Variants in MEAK7 observed in about 807,000 individuals in gnomAD.
MEAK7 encodes the protein MTOR-associated protein MEAK7.
MEAK7 carries 68 observed loss-of-function variants against 40.5 expected under a neutral mutation model. The observed-to-expected ratio is 1.68, with a 90% CI of 1.38 to 2.06. MEAK7 has a LOEUF of 2.06. Ranked by LOEUF, MEAK7 falls within the 30% of genes most tolerant of loss-of-function variation. The pLI is 0.00. For missense variants in MEAK7, 918 were observed against 580.5 expected, an observed-to-expected ratio of 1.58 and a Z score of -5.98; for synonymous variants, 338 against 231.9, an observed-to-expected ratio of 1.46 and a Z score of -4.16.
intron 3 of MEAK7, among the ~76,000 whole-genome samples, chr16:84,495,423 G>T (rs1419802437): frequency 6.6e-6 from 1 of 152,176 alleles, no homozygotes; most frequent in Non-Finnish European, 1.5e-5. Flanking sequence ...TCAGTAATGG[G>T]ACCAGACCCT....
At chr16:84,497,812 C>G (rs1485049918) in intron 2 of MEAK7, 122 bp downstream of exon 2, 11 of 1,472,072 alleles carry the variant, frequency 7.5e-6, no homozygotes, top group Non-Finnish European at 1.9e-6. Context: ...TTACAGAAAA[C>G]CAACTTTTCA....
In MEAK7 at chr16:84,480,596, G is replaced by T; in HGVS notation, c.1190C>A (p.Ala397Asp). The T allele has an allele frequency of 1.2e-6, 2 of 1,614,082 alleles. No homozygotes were observed. Among genetic ancestry groups the T allele is most frequent in the Non-Finnish European group, 1.7e-6 (2 of 1,179,978 alleles). ...CTTYNSPQLS[A>D]QENFQFDKME... ...CTTATCAAACTGGAAGTTCTCCTGAGCCGACAGCTGCGGGCTGTTGTACGT... is the reference window on the plus strand; with the variant it reads ...CTTATCAAACTGGAAGTTCTCCTGATCCGACAGCTGCGGGCTGTTGTACGT... Residue 397 changes from alanine to aspartate, a missense_variant, in exon 7 of 8, where the codon GCT (alanine) becomes GAT (aspartate). By Grantham distance (126) the Ala-to-Asp change is moderately radical. Coordinates refer to ENST00000343629, the MANE Select transcript of MEAK7 (RefSeq NM_020947.4).
At chr16:84,492,569 T>TTTTTTTTATTTATTTATTTATTTA (rs1555513770) in intron 3 of MEAK7, among the ~76,000 whole-genome samples, 2 of 146,702 alleles carry the variant, frequency 1.4e-5, no homozygotes, top group South Asian at 2.2e-4. Flanking sequence ...AAGTGTTTTA[T>TTTTTTTTATTTATTTATTTATTTA]TTTATTTATT....
Position 84,477,961 on chromosome 16 carries a change from G to T in MEAK7, c.*1952C>A, listed in dbSNP as rs996623600. ...AGAACAAGCTCAGGGTGGAAAGCAT[G>T]TGAGTGGACAAAGTCCTAACCTTTG... On this transcript the variant is annotated 3_prime_UTR_variant, in exon 8 of 8. Transcript: ENST00000343629. 1 of 152,246 alleles carries T rather than the reference G, an allele frequency of 6.6e-6. No individual in the cohort carries two copies. Among genetic ancestry groups the T allele is most frequent in the Non-Finnish European group, 1.5e-5 (1 of 68,060 alleles). The allele number at this position is 152,246 out of a possible 1,614,324, so 9.4% of individuals were successfully genotyped here.
At chr16:84,501,328 A>T (rs1369901958) in intron 1 of MEAK7, among the ~76,000 whole-genome samples, 1 of 151,882 alleles carries the variant, frequency 6.6e-6, no homozygotes, top group African/African-American at 2.4e-5. Context: ...AACTCAGGGC[A>T]CGTGGGGGAG....
At chr16:84,490,416 C>A (rs1270203485) in intron 3 of MEAK7, among the ~76,000 whole-genome samples, 1 of 147,112 alleles carries the variant, frequency 6.8e-6, no homozygotes. Flanking sequence ...CCCACACTCT[C>A]GCTGGGCGGC....
chr16:84,497,748 C>T, intron 2 of MEAK7, 186 bp downstream of exon 2: 1 of 1,328,514 alleles, frequency 7.5e-7, no homozygotes, highest in Non-Finnish European at 1.0e-6. Context: ...AGCAGAGGAG[C>T]TACAACAGAG....
chr16:84,494,465 A>C (rs1913879260), intron 3 of MEAK7, among the ~76,000 whole-genome samples: 1 of 152,050 alleles, frequency 6.6e-6, no homozygotes, highest in Admixed American at 6.6e-5. Context: ...CTGATTTGAA[A>C]TCATTAAAAA....
At chr16:84,499,459 A>T (rs1914323014) in intron 1 of MEAK7, among the ~76,000 whole-genome samples, 1 of 152,202 alleles carries the variant, frequency 6.6e-6, no homozygotes, top group African/African-American at 2.4e-5. Context: ...CATGGTCCGC[A>T]CCAAGCCATG....
At chr16:84,494,665 C>T (rs1953691388) in intron 3 of MEAK7, 14 of 345,286 alleles carry the variant, frequency 4.1e-5, no homozygotes, top group South Asian at 6.5e-5. Flanking sequence ...TTCTCTCTTC[C>T]TCCCCCACTA....
rs983350765 is a variant in MEAK7 at position 84,486,692 on chromosome 16, A to G, written c.897T>C (p.His299=). 3.1e-6 allele frequency: 5 copies of G among 1,614,030 alleles called. No homozygotes were observed. In the South Asian group the frequency reaches 3.3e-5, roughly 11 times the overall value. The part of the protein sequence containing the change: ...RGPCVAVLED[H]DKHVFGGFAS... ...CAAACCCACCGAACACATGCTTGTC[A>G]TGGTCCTCGAGGACAGCCACACAGG... Residue 299 remains histidine (H), a synonymous_variant, in exon 5 of 8, where the codon CAT becomes CAC. Coordinates refer to ENST00000343629, the MANE Select transcript of MEAK7 (RefSeq NM_020947.4).
intron 3 of MEAK7, among the ~76,000 whole-genome samples, chr16:84,490,443 CTTTTTTTTTTTTTTTTTTTTTTT>C (rs770073812): frequency 2.1e-5 from 2 of 93,892 alleles, no homozygotes; most frequent in Non-Finnish European, 1.9e-5. Flanking sequence ...TCTGCCCCGC[CTTTTTTTTTTTTTTTTTTTTTTT>C]TTTTTTTTTT....
chr16:84,496,060 A>C (rs1238083611), intron 2 of MEAK7, 147 bp from the exon 3 acceptor site: 1 of 784,754 alleles, frequency 1.3e-6, no homozygotes. Context: ...GTTTCTTGTA[A>C]AGCCCCGTCT....
At chr16:84,483,184 A>C (rs1263942841) in intron 5 of MEAK7, among the ~76,000 whole-genome samples, 1 of 152,226 alleles carries the variant, frequency 6.6e-6, no homozygotes, top group African/African-American at 2.4e-5. Flanking sequence ...GCAGCTGCAG[A>C]GCTGTCCCCA....
At chr16:84,486,295 G>A (rs1019208375) in intron 5 of MEAK7, 10 of 364,426 alleles carry the variant, frequency 2.7e-5, no homozygotes, top group Non-Finnish European at 8.4e-6. Flanking sequence ...GAAGGCCCAG[G>A]GAAGGAAAAT....
At chr16:84,484,273 G>T (rs1368440742) in intron 5 of MEAK7, among the ~76,000 whole-genome samples, 1 of 152,156 alleles carries the variant, frequency 6.6e-6, no homozygotes, top group African/African-American at 2.4e-5. Context: ...ATTATCTGTG[G>T]AAAAAAGTGA....
intron 6 of MEAK7, among the ~76,000 whole-genome samples, chr16:84,482,106 G>A (rs516963): frequency 5.9e-5 from 9 of 151,918 alleles, no homozygotes; most frequent in East Asian, 2.0e-4. Flanking sequence ...GGCCTCCCCC[G>A]CTTCCCCCTG....
chr16:84,501,688 C>G (rs1597975173), intron 1 of MEAK7, among the ~76,000 whole-genome samples: 1 of 152,086 alleles, frequency 6.6e-6, no homozygotes, highest in African/African-American at 2.4e-5. Context: ...CCAGTAGGAA[C>G]CCCAGGGCTG....
intron 5 of MEAK7, among the ~76,000 whole-genome samples, chr16:84,484,059 C>T (rs1250740069): frequency 6.6e-6 from 1 of 152,206 alleles, no homozygotes; most frequent in African/African-American, 2.4e-5. Flanking sequence ...CCGCTCTCCC[C>T]GACTGGACTT....
Sources: gnomAD v4.1 joint callset for allele counts (sites outside exome capture counted in the v4.1 genomes callset) on GRCh38, gnomAD v4.1.1 for gene constraint, MANE v1.5 for transcripts, NCBI Gene and HGNC (gene_info 2026-07-23, HGNC 2026-07-21) for gene names.